Variants in SMOC2 observed in about 807,000 individuals in gnomAD.
SMOC2 encodes the protein SPARC related modular calcium binding 2.
SMOC2 carries 39 observed loss-of-function variants against 61.4 expected under a neutral mutation model. That is an observed-to-expected ratio of 0.64 (90% CI 0.49 to 0.83). SMOC2 has a LOEUF of 0.83. Among genes scored for constraint, SMOC2 ranks in the 40% least tolerant of loss-of-function variants. SMOC2 has a pLI of 0.00. For synonymous variants in SMOC2, 247 were observed against 239.9 expected, an observed-to-expected ratio of 1.03 and a Z score of -0.27; for missense variants, 556 against 592.9, an observed-to-expected ratio of 0.94 and a Z score of 0.65.
chr6:168,501,913 C>T (rs754573420), intron 1 of SMOC2, among the ~76,000 whole-genome samples: 8 of 152,236 alleles, frequency 5.3e-5, no homozygotes, highest in African/African-American at 1.4e-4. Context: ...TGGGTCTTCC[C>T]GCTGGCTGCA....
At position 168,479,618 on chromosome 6, in the gene SMOC2, AC is replaced by A. The variant is rs1303952494; in HGVS notation, c.85-30293del. ...GCACAGTAGCAGCTACCCACTCTCC[AC>A]CCCAACCTTGCGGTGAAAGCTGTGC... is the stretch of plus-strand genomic sequence containing the variant. On this transcript the variant is annotated intron_variant, in intron 1 of 12. Transcript: ENST00000356284. 2.6e-5 allele frequency among the ~76,000 whole-genome samples: 4 copies of A among 152,216 alleles called. No individual in the cohort carries two copies. In the East Asian group the frequency reaches 7.7e-4, roughly 29 times the overall value.
intron 2 of SMOC2, among the ~76,000 whole-genome samples, chr6:168,514,702 G>C (rs1783090636): frequency 6.9e-6 from 1 of 145,542 alleles, no homozygotes; most frequent in Non-Finnish European, 1.5e-5. Flanking sequence ...AAGCGCTGTA[G>C]AAGTGGGGAG....
chr6:168,468,830 G>A (rs973887184), intron 1 of SMOC2, among the ~76,000 whole-genome samples: 6 of 152,208 alleles, frequency 3.9e-5, no homozygotes, highest in African/African-American at 1.2e-4. Context: ...CACCACACCC[G>A]GAGGATTATG....
intron 7 of SMOC2, 82 bp from the exon 8 acceptor site, chr6:168,598,736 T>C: frequency 1.3e-6 from 2 of 1,488,984 alleles, no homozygotes; most frequent in East Asian, 2.3e-5. Flanking sequence ...TTCTTGGCAG[T>C]TCTCTGTGGC....
At chr6:168,648,729 CT>C (rs779376449) in intron 9 of SMOC2, among the ~76,000 whole-genome samples, 1 of 152,232 alleles carries the variant, frequency 6.6e-6, no homozygotes, top group Non-Finnish European at 1.5e-5. Flanking sequence ...CAGAACCCCC[CT>C]GGTGAAGGCT....
chr6:168,518,997 GCATGTGTGAGTATGCGTGCATGCGAA>G (rs1281726611), intron 2 of SMOC2, among the ~76,000 whole-genome samples: 3 of 150,486 alleles, frequency 2.0e-5, no homozygotes, highest in African/African-American at 7.3e-5. Context: ...GTGTATGCGT[GCATGTGTGAGTATGCGTGCATGCGAA>G]CATGTGTGTG....
In SMOC2 at chr6:168,527,648, G is replaced by A. The variant is rs772961523; in HGVS notation, c.384G>A (p.Thr128=). 39 of 1,551,680 alleles carry A rather than the reference G, an allele frequency of 2.5e-5. No homozygotes were observed. The highest frequency in any genetic ancestry group is 3.4e-5 in the Non-Finnish European group (39 of 1,147,484). ...TYSQVQCHSY[T]GYCWCVTPNG... ...CGCAGGTCCAGTGTCACAGCTACAC[G>A]GGATACTGCTGGTGCGTCACGCCCA... Residue 128 remains threonine (T), a synonymous_variant, in exon 4 of 13, where the codon ACG becomes ACA. Coordinates refer to ENST00000356284, the MANE Select transcript of SMOC2 (RefSeq NM_001166412.2).
intron 7 of SMOC2, among the ~76,000 whole-genome samples, chr6:168,560,176 A>G (rs983448234): frequency 2.0e-5 from 3 of 152,186 alleles, no homozygotes; most frequent in Admixed American, 2.0e-4. Flanking sequence ...ATGTACCTGC[A>G]GCCTACATTT....
At chr6:168,611,066 AG>A (rs1416271874) in intron 9 of SMOC2, among the ~76,000 whole-genome samples, 1 of 152,196 alleles carries the variant, frequency 6.6e-6, no homozygotes, top group Non-Finnish European at 1.5e-5. Context: ...TTTAAATAAC[AG>A]GGTTACTCTG....
At chr6:168,659,964 T>A (rs111919106) in intron 11 of SMOC2, among the ~76,000 whole-genome samples, 8,884 of 50,380 alleles carry the variant, frequency 0.18, 122 homozygotes, top group African/African-American at 0.26. Flanking sequence ...TTGGGTGAGG[T>A]TGTAGATTAT....
intron 1 of SMOC2, among the ~76,000 whole-genome samples, chr6:168,458,252 CG>C (rs1010792030): frequency 2.5e-4 from 38 of 150,114 alleles, no homozygotes; most frequent in African/African-American, 8.3e-4. Context: ...CCTGCCCCTC[CG>C]GGGGCATCGT....
chr6:168,590,710 G>C (rs545612375), intron 7 of SMOC2, among the ~76,000 whole-genome samples: 8 of 152,132 alleles, frequency 5.3e-5, no homozygotes, highest in Non-Finnish European at 1.2e-4. Context: ...TTTAGGCGTC[G>C]TCATACTGAA....
At chr6:168,576,451 C>CA (rs1784807098) in intron 7 of SMOC2, among the ~76,000 whole-genome samples, 1 of 152,112 alleles carries the variant, frequency 6.6e-6, no homozygotes, top group Non-Finnish European at 1.5e-5. Flanking sequence ...CACACGCTTC[C>CA]AGAGTGCAAG....
At chr6:168,497,047 G>A (rs1027359079) in intron 1 of SMOC2, among the ~76,000 whole-genome samples, 8 of 152,188 alleles carry the variant, frequency 5.3e-5, no homozygotes, top group Non-Finnish European at 1.0e-4. Context: ...GCCCAGGCCC[G>A]CCCCTTCCTC....
At chr6:168,566,130 GCGTCTA>G (rs896520750) in intron 7 of SMOC2, among the ~76,000 whole-genome samples, 30 of 152,292 alleles carry the variant, frequency 2.0e-4, no homozygotes, top group African/African-American at 6.7e-4. Flanking sequence ...CTATGGCAAT[GCGTCTA>G]CCACCTTGGC....
chr6:168,510,177 A>G (rs1782973882), intron 2 of SMOC2, 91 bp downstream of exon 2: 1 of 1,341,484 alleles, frequency 7.5e-7, no homozygotes, highest in Admixed American at 2.1e-5. Flanking sequence ...AACTTTTTAC[A>G]TTTACAAACT....
chr6:168,607,248 C>T (rs1004120487), intron 8 of SMOC2, among the ~76,000 whole-genome samples: 1 of 152,150 alleles, frequency 6.6e-6, no homozygotes, highest in Non-Finnish European at 1.5e-5. Flanking sequence ...TGTCCACCTC[C>T]TCTACTGGAT....
At chr6:168,639,160 T>C (rs1219030759) in intron 9 of SMOC2, among the ~76,000 whole-genome samples, 1 of 152,216 alleles carries the variant, frequency 6.6e-6, no homozygotes, top group Non-Finnish European at 1.5e-5. Flanking sequence ...CTCTGGCGTC[T>C]CAGTCATTGA....
At chr6:168,632,867 A>C (rs1786605168) in intron 9 of SMOC2, among the ~76,000 whole-genome samples, 1 of 152,174 alleles carries the variant, frequency 6.6e-6, no homozygotes. Flanking sequence ...ACCAGATGTG[A>C]ATTCGCTGAC....
Sources: gnomAD v4.1 joint callset for allele counts (sites outside exome capture counted in the v4.1 genomes callset) on GRCh38, gnomAD v4.1.1 for gene constraint, MANE v1.5 for transcripts, NCBI Gene and HGNC (gene_info 2026-07-23, HGNC 2026-07-21) for gene names.